GPM6A: variants seen among roughly 807,000 people sequenced by gnomAD.
GPM6A encodes the protein neuronal membrane glycoprotein M6-a.
A neutral mutation model predicts 32.1 loss-of-function variants in GPM6A; 7 were observed. The ratio of observed to expected loss-of-function variants is 0.22; its 90% CI spans 0.12 to 0.41. The LOEUF (loss-of-function observed/expected upper bound fraction) is 0.41. GPM6A is among the 10% of genes least tolerant of loss of function. The probability of loss-of-function intolerance (pLI) is 1.00; values close to 1 mark genes in which losing one functional copy is unlikely to be tolerated. For missense variants in GPM6A, 235 were observed against 347.2 expected, an observed-to-expected ratio of 0.68 and a Z score of 2.57; for synonymous variants, 130 against 123.4, an observed-to-expected ratio of 1.05 and a Z score of -0.35.
At chr4:175,822,510 G>A (rs184142336) in intron 1 of GPM6A, among the ~76,000 whole-genome samples, 2 of 152,192 alleles carry the variant, frequency 1.3e-5, no homozygotes, top group East Asian at 3.9e-4. Context: ...TATAACAACA[G>A]TATAAATAGT....
intron 1 of GPM6A, among the ~76,000 whole-genome samples, chr4:175,732,158 G>A (rs1334876090): frequency 6.6e-6 from 1 of 151,702 alleles, no homozygotes; most frequent in Non-Finnish European, 1.5e-5. Context: ...GTAGAGACAG[G>A]ATTTCACCAT....
intron 1 of GPM6A, among the ~76,000 whole-genome samples, chr4:175,752,954 ATGT>A (rs1732394302): frequency 6.6e-6 from 1 of 152,140 alleles, no homozygotes; most frequent in Non-Finnish European, 1.5e-5. Context: ...TAAAGACAGA[ATGT>A]TCTCTAGTTT....
At chr4:175,909,649 C>T (rs1738250463) in intron 1 of GPM6A, among the ~76,000 whole-genome samples, 1 of 152,022 alleles carries the variant, frequency 6.6e-6, no homozygotes, top group African/African-American at 2.4e-5. Flanking sequence ...CAATGAAACA[C>T]AAGTACTAAA....
chr4:175,803,020 G>T (rs1306243501), intron 1 of GPM6A, among the ~76,000 whole-genome samples: 1 of 152,104 alleles, frequency 6.6e-6, no homozygotes, highest in African/African-American at 2.4e-5. Flanking sequence ...AGGTTTAGCT[G>T]CTCTGTTAGA....
chr4:175,814,523 A>G (rs1217439936), upstream of GPM6A, among the ~76,000 whole-genome samples: 1 of 152,188 alleles, frequency 6.6e-6, no homozygotes, highest in Non-Finnish European at 1.5e-5. Flanking sequence ...GGGAAATGAG[A>G]GGGAAAGGAA....
chr4:175,727,168 T>C (rs1462041856), intron 1 of GPM6A, among the ~76,000 whole-genome samples: 2 of 152,164 alleles, frequency 1.3e-5, no homozygotes, highest in Non-Finnish European at 2.9e-5. Flanking sequence ...TGACATTATG[T>C]CATCGGTATT....
At chr4:175,816,328 A>G (rs1240558277), upstream of GPM6A, among the ~76,000 whole-genome samples, 1 of 152,178 alleles carries the variant, frequency 6.6e-6, no homozygotes, top group Non-Finnish European at 1.5e-5. Flanking sequence ...ATGTGAGCTC[A>G]CTCAATCCAA....
chr4:175,688,707 C>T (rs1007185349), intron 2 of GPM6A, among the ~76,000 whole-genome samples: 1 of 152,184 alleles, frequency 6.6e-6, no homozygotes. Flanking sequence ...ATCCTAATTA[C>T]CCTGATTAGA....
upstream of GPM6A, among the ~76,000 whole-genome samples, chr4:175,814,553 T>G (rs1383447214): frequency 3.9e-5 from 6 of 152,224 alleles, no homozygotes; most frequent in Admixed American, 2.6e-4. Flanking sequence ...ATATTCATGA[T>G]TTCTTTTTCT....
At chr4:175,945,343 T>A (rs1739555975) in intron 1 of GPM6A, among the ~76,000 whole-genome samples, 1 of 152,152 alleles carries the variant, frequency 6.6e-6, no homozygotes, top group African/African-American at 2.4e-5. Flanking sequence ...AATATTTAAT[T>A]TAGTGTTTCC....
intron 1 of GPM6A, among the ~76,000 whole-genome samples, chr4:175,799,827 A>C (rs908946044): frequency 6.6e-6 from 1 of 151,158 alleles, no homozygotes; most frequent in Non-Finnish European, 1.5e-5. Flanking sequence ...GGCGCCCGCC[A>C]CCGCGCCCGG....
In GPM6A at chr4:175,946,255, C is replaced by T. The variant is rs931481894; in HGVS notation, c.-23+56054G>A. Among the ~76,000 whole-genome samples the T allele has an allele frequency of 3.3e-5, 5 of 152,154 alleles. No individual in the cohort carries two copies. In the East Asian group the frequency reaches 9.6e-4, roughly 29 times the overall value. On this transcript the variant is annotated intron_variant, in intron 1 of 7. Coordinates refer to the GPM6A transcript ENST00000280187. Reference sequence around the variant, plus strand: ...AACTAAGACAAGGCACCAAAAACAACTGAGTGTTTCAGGAAAATTTTTAAA... The same window carrying T: ...AACTAAGACAAGGCACCAAAAACAATTGAGTGTTTCAGGAAAATTTTTAAA...
chr4:175,829,747 T>G lies in GPM6A; in HGVS notation c.-22-17498A>C, dbSNP rs550182999. Among the ~76,000 whole-genome samples the G allele has an allele frequency of 6.1e-5, 9 of 147,890 alleles. No individual in the cohort carries two copies. The South Asian group carries it at 1.9e-3, about 31-fold the overall frequency. ...ATAGGAAATATATAAGATATATATA[T>G]AGATATATATATCTTACTCATTTTT... On this transcript the variant is annotated intron_variant, in intron 1 of 7. Coordinates refer to the GPM6A transcript ENST00000280187.
chr4:175,921,684 G>C (rs543186860), intron 1 of GPM6A, among the ~76,000 whole-genome samples: 1 of 152,260 alleles, frequency 6.6e-6, no homozygotes, highest in East Asian at 1.9e-4. Context: ...TGCAAGAATA[G>C]AGTGAGATGT....
chr4:175,782,763 A>G (rs1733661067), intron 1 of GPM6A, among the ~76,000 whole-genome samples: 2 of 152,014 alleles, frequency 1.3e-5, no homozygotes, highest in Non-Finnish European at 2.9e-5. Context: ...AGAACTTATT[A>G]ATAAATAAAT....
intron 1 of GPM6A, among the ~76,000 whole-genome samples, chr4:175,930,897 T>C (rs1293169005): frequency 6.6e-6 from 1 of 152,148 alleles, no homozygotes; most frequent in Non-Finnish European, 1.5e-5. Context: ...ATACCTGGCA[T>C]AAACATGTAC....
chr4:175,832,369 A>C (rs1191359669), intron 1 of GPM6A, among the ~76,000 whole-genome samples: 1 of 152,210 alleles, frequency 6.6e-6, no homozygotes, highest in Non-Finnish European at 1.5e-5. Flanking sequence ...AAGCAAAATA[A>C]TGTAGAATAT....
chr4:175,789,995 G>T (rs1166821155), intron 1 of GPM6A, among the ~76,000 whole-genome samples: 1 of 152,122 alleles, frequency 6.6e-6, no homozygotes, highest in Non-Finnish European at 1.5e-5. Context: ...ATACTGTAAG[G>T]CTGTTTCAAC....
At chr4:175,663,087 A>T (rs1239647513) in intron 3 of GPM6A, among the ~76,000 whole-genome samples, 3 of 152,178 alleles carry the variant, frequency 2.0e-5, no homozygotes, top group African/African-American at 7.2e-5. Context: ...ACAATGTAGG[A>T]TCTCTCACAT....
Sources: allele counts gnomAD v4.1 joint callset (sites outside exome capture counted in the v4.1 genomes callset), GRCh38; gene constraint gnomAD v4.1.1; transcripts MANE v1.5; gene names NCBI Gene and HGNC (gene_info 2026-07-23, HGNC 2026-07-21).